Variants in TUFT1 observed in about 807,000 individuals in gnomAD.
The protein encoded by TUFT1 is tuftelin.
Under a neutral mutation model 57.8 loss-of-function variants are expected in TUFT1, and 43 were observed. The observed-to-expected ratio is 0.74, with a 90% CI of 0.58 to 0.96. The LOEUF (loss-of-function observed/expected upper bound fraction) is 0.96, where lower values mean the gene tolerates loss of function less well. Ranked by LOEUF, TUFT1 falls within the 40% of genes least tolerant of loss-of-function variation. The pLI, the probability that TUFT1 is intolerant of heterozygous loss-of-function variation, is 0.00. For synonymous variants in TUFT1, 166 were observed against 176.7 expected (o/e 0.94, Z 0.48); for missense variants, 459 against 489.0 (o/e 0.94, Z 0.58).
chr1:151,553,676 G>A (rs1232656176), intron 1 of TUFT1, among the ~76,000 whole-genome samples: 1 of 152,206 alleles, frequency 6.6e-6, no homozygotes, highest in Non-Finnish European at 1.5e-5. Context: ...AGAGTAACTA[G>A]TGGTGGAATT....
chr1:151,566,328 C>A, intron 6 of TUFT1, 100 bp downstream of exon 6: 1 of 874,048 alleles, frequency 1.1e-6, no homozygotes, highest in Non-Finnish European at 1.8e-6. Flanking sequence ...CTCTCTCTCT[C>A]ATTAAATACA....
At chr1:151,573,672 A>G (rs1666342393) in intron 7 of TUFT1, among the ~76,000 whole-genome samples, 1 of 152,222 alleles carries the variant, frequency 6.6e-6, no homozygotes, top group South Asian at 2.1e-4. Context: ...TGAACCCAGG[A>G]GGCAAAGGTT....
intron 7 of TUFT1, among the ~76,000 whole-genome samples, chr1:151,573,605 G>A (rs565037663): frequency 2.6e-5 from 4 of 152,240 alleles, no homozygotes; most frequent in South Asian, 2.1e-4. Context: ...TTAGCTGGGC[G>A]TGGTGGCACA....
rs1666649997 is a variant in TUFT1, at chr1:151,581,684, G to A, written c.1150G>A (p.Val384Ile). Reference sequence around the variant, plus strand: ...GCCGCCTAGCCCGAAGCCCATGCCTGTCATCCGAGTGGTGGAAACCTGAGC... The same window carrying A: ...GCCGCCTAGCCCGAAGCCCATGCCTATCATCCGAGTGGTGGAAACCTGAGC... The part of the protein sequence containing the change: ...SKPPSPKPMP[V>I]IRVVET The change falls in exon 13 of 13, where the codon GTC (valine) becomes ATC (isoleucine). Residue 384 changes from valine to isoleucine, a missense_variant. Val to Ile is a conservative substitution (Grantham distance 29, BLOSUM62 3). Coordinates refer to ENST00000368849, the MANE Select transcript of TUFT1 (RefSeq NM_020127.3). 1.9e-6 allele frequency: 3 copies of A among 1,614,034 alleles called. No homozygotes were observed. The highest frequency in any genetic ancestry group is 1.1e-5 in the South Asian group (1 of 91,090).
chr1:151,546,346 A>C (rs1665339469), intron 1 of TUFT1, among the ~76,000 whole-genome samples: 1 of 152,164 alleles, frequency 6.6e-6, no homozygotes, highest in Non-Finnish European at 1.5e-5. Context: ...CCTTACCATG[A>C]GCTTCATATA....
intron 1 of TUFT1, among the ~76,000 whole-genome samples, chr1:151,545,003 G>A (rs941677794): frequency 1.3e-5 from 2 of 152,080 alleles, no homozygotes; most frequent in African/African-American, 2.4e-5. Context: ...TCTGTTAATA[G>A]CATTGTGGTC....
intron 1 of TUFT1, among the ~76,000 whole-genome samples, chr1:151,555,749 C>T (rs1437354324): frequency 1.4e-5 from 2 of 146,982 alleles, no homozygotes; most frequent in Non-Finnish European, 3.0e-5. Context: ...TGCACTCCAG[C>T]CTGGGTGACA....
chr1:151,565,353 G>A (rs1427393194), intron 5 of TUFT1, among the ~76,000 whole-genome samples: 1 of 152,234 alleles, frequency 6.6e-6, no homozygotes, highest in East Asian at 1.9e-4. Context: ...ATTCTGAGTT[G>A]TATCCTTGAT....
chr1:151,568,080 A>G (rs1666139063), intron 6 of TUFT1, among the ~76,000 whole-genome samples: 1 of 149,522 alleles, frequency 6.7e-6, no homozygotes. Flanking sequence ...TTTCTTTATA[A>G]TTTTTTTTTT....
chr1:151,563,804 GGT>G lies in TUFT1; in HGVS notation c.238-99_238-98del. On this transcript the variant is annotated intron_variant, in intron 3 of 12. Coordinates refer to ENST00000368849, the MANE Select transcript of TUFT1 (RefSeq NM_020127.3). The stretch of plus-strand genomic sequence containing the variant: ...ACCAAATTCCACCCAGTAAATTGGT[GGT>G]AACAATTTACCCTCCCACCAGCACT... 10 of 954,480 alleles carry G rather than the reference GGT, an allele frequency of 1.0e-5. No homozygotes were observed. In the South Asian group the frequency reaches 1.4e-4, roughly 13 times the overall value. 59.1% of individuals were successfully genotyped at this position (954,480 alleles called of 1,614,324 possible).
intron 6 of TUFT1, 98 bp from the exon 7 acceptor site, chr1:151,569,559 G>T: frequency 1.1e-6 from 1 of 924,334 alleles, no homozygotes; most frequent in Non-Finnish European, 1.7e-6. Flanking sequence ...TGGTCTGGAC[G>T]AGATGGTCCA....
chr1:151,574,319 T>C lies in TUFT1; in HGVS notation c.644T>C (p.Leu215Pro). 1.2e-6 allele frequency: 2 copies of C among 1,614,140 alleles called. No homozygotes were observed. Among genetic ancestry groups the C allele is most frequent in the Non-Finnish European group, 1.7e-6 (2 of 1,180,020 alleles). The change falls in exon 8 of 13, where the codon CTT (leucine) becomes CCT (proline). Residue 215 changes from leucine to proline, a missense_variant. By Grantham distance (98) the Leu-to-Pro change is moderately conservative. Transcript: ENST00000368849. ...GAAGCAGAACAAAGTAATGTGGCCC[T>C]TCAGAGAGAGGAGGACAGAGTGGAG... Reference protein sequence around the residue: ...QREAEQSNVALQREEDRVEQK... With the variant: ...QREAEQSNVAPQREEDRVEQK...
intron 1 of TUFT1, among the ~76,000 whole-genome samples, chr1:151,556,679 G>C (rs1056766256): frequency 5.9e-5 from 9 of 152,118 alleles, no homozygotes; most frequent in African/African-American, 1.2e-4. Flanking sequence ...CCAAAATGCT[G>C]AGATTACAGG....
chr1:151,560,704 C>T (rs1407792022), intron 1 of TUFT1, among the ~76,000 whole-genome samples: 1 of 152,162 alleles, frequency 6.6e-6, no homozygotes, highest in Non-Finnish European at 1.5e-5. Context: ...GGCATATACT[C>T]CATCCTCACG....
Position 151,564,561 on chromosome 1 carries a change from A to C in TUFT1, c.361A>C (p.Ser121Arg). The change falls in exon 5 of 13, where the codon AGT (serine) becomes CGT (arginine). Residue 121 changes from serine (S) to arginine (R), a missense_variant. Ser to Arg is a moderately radical substitution (Grantham distance 110). Transcript: ENST00000368849. ...NCLQKLREDI[S>R]SKLDRNLGDS... ...CCTACAGAAGCTCCGGGAGGATATAAGTAGCAAGCTTGACAGGAACCTAGG... is the reference window on the plus strand; with the variant it reads ...CCTACAGAAGCTCCGGGAGGATATACGTAGCAAGCTTGACAGGAACCTAGG... The C allele has an allele frequency of 6.2e-7, 1 of 1,614,174 alleles. No individual in the cohort carries two copies.
chr1:151,568,325 A>T (rs1395947352), intron 6 of TUFT1, among the ~76,000 whole-genome samples: 1 of 152,160 alleles, frequency 6.6e-6, no homozygotes, highest in East Asian at 1.9e-4. Flanking sequence ...TTCAGTATAC[A>T]TGATGAACTT....
intron 7 of TUFT1, among the ~76,000 whole-genome samples, chr1:151,571,749 T>C (rs772902262): frequency 6.6e-6 from 1 of 152,144 alleles, no homozygotes; most frequent in Non-Finnish European, 1.5e-5. Context: ...TATAGAAATA[T>C]TTGCTGGTTT....
At chr1:151,577,535 A>G (rs192322867) in intron 9 of TUFT1, among the ~76,000 whole-genome samples, 2 of 152,264 alleles carry the variant, frequency 1.3e-5, no homozygotes, top group Non-Finnish European at 2.9e-5. Flanking sequence ...GAGACCCATT[A>G]TATATTTCTT....
chr1:151,562,558 C>CTT (rs968758153), intron 2 of TUFT1, 27 bp from the exon 3 acceptor site: 11 of 1,558,886 alleles, frequency 7.1e-6, no homozygotes, highest in Non-Finnish European at 4.4e-6. Flanking sequence ...CTCTCTCTCT[C>CTT]TCTCTCTCTC....
Sources: gnomAD v4.1 joint callset for allele counts (sites outside exome capture counted in the v4.1 genomes callset) on GRCh38, gnomAD v4.1.1 for gene constraint, MANE v1.5 for transcripts, NCBI Gene and HGNC (gene_info 2026-07-23, HGNC 2026-07-21) for gene names.